Variants in KIAA2012 observed in about 807,000 individuals in gnomAD.
KIAA2012 encodes the protein uncharacterized protein KIAA2012.
A neutral mutation model predicts 150.6 loss-of-function variants in KIAA2012; 125 were observed. The observed-to-expected ratio is 0.83, with a 90% CI of 0.72 to 0.96. The LOEUF is 0.96. Among genes scored for constraint, KIAA2012 ranks in the 40% least tolerant of loss-of-function variants. KIAA2012 has a pLI of 0.00. For synonymous variants in KIAA2012, 462 were observed against 504.7 expected, an observed-to-expected ratio of 0.92 and a Z score of 1.13; for missense variants, 1,219 against 1,354.9, an observed-to-expected ratio of 0.90 and a Z score of 1.57.
At position 202,098,126 on chromosome 2, in the gene KIAA2012, A is replaced by T. The variant is rs1031004762; in HGVS notation, c.828+549A>T. Among the ~76,000 whole-genome samples, 3 of 152,288 alleles carry T rather than the reference A, an allele frequency of 2.0e-5. No individual in the cohort carries two copies. In the South Asian group the frequency reaches 6.2e-4, roughly 32 times the overall value. On this transcript the variant is annotated intron_variant, in intron 5 of 23. Transcript: ENST00000498697. ...TGTAATCCCAACACTTTGGGAGACC[A>T]AGGCAGGTGGATCACCTGAGGCCAG... is the stretch of plus-strand genomic sequence containing the variant.
At chr2:202,140,104 T>A (rs1691168482) in intron 13 of KIAA2012, among the ~76,000 whole-genome samples, 1 of 152,132 alleles carries the variant, frequency 6.6e-6, no homozygotes, top group Non-Finnish European at 1.5e-5. Context: ...GGCGCACATC[T>A]GTAATCCCAG....
intron 2 of KIAA2012, chr2:202,077,243 T>C (rs1338829492): frequency 1.4e-5 from 5 of 349,090 alleles, no homozygotes; most frequent in Non-Finnish European, 2.3e-5. Flanking sequence ...TAAATCAAAT[T>C]CCTTCTGTGT....
In KIAA2012 at chr2:202,100,464, T is replaced by C. The variant is rs764326508; in HGVS notation, c.1155+15T>C. The C allele has an allele frequency of 7.8e-6, 12 of 1,544,614 alleles. No individual in the cohort carries two copies. Among genetic ancestry groups the C allele is most frequent in the South Asian group, 4.8e-5 (4 of 83,620 alleles). On this transcript the variant is annotated intron_variant, in intron 7 of 23. Transcript: ENST00000498697. The stretch of plus-strand genomic sequence containing the variant: ...AGAAGAAAAAGGTTGTGTGTATATG[T>C]ATGTTTGTGCATACAGGAGAGAGAG...
Position 202,190,348 on chromosome 2 carries a change from T to G in KIAA2012, c.2666T>G (p.Phe889Cys). Residue 889 changes from phenylalanine to cysteine, a missense_variant, in exon 19 of 24, where the codon TTT (phenylalanine) becomes TGT (cysteine). Coordinates refer to ENST00000498697, the MANE Select transcript of KIAA2012 (RefSeq NM_001277372.4). ...AGAGGTTCCTTTGCCTCAGACTCCT[T>G]TGTAGAGGACCCTTGGCTTTCTCCC... ...SNRGSFASDS[F>C]VEDPWLSPKY... 1 of 1,550,570 alleles carries G rather than the reference T, an allele frequency of 6.4e-7. No homozygotes were observed. Among genetic ancestry groups the G allele is most frequent in the Non-Finnish European group, 8.7e-7 (1 of 1,147,004 alleles).
At position 202,082,476 on chromosome 2, in the gene KIAA2012, A is replaced by G. The variant is rs148529365; in HGVS notation, c.369+7301A>G. On this transcript the variant is annotated intron_variant, in intron 2 of 23. Transcript: ENST00000498697. ...TTCACTCGGTTGATAGTGTCCTTTG[A>G]TGCACAAAAGTAGGGAGGCTAAGGC... Among the ~76,000 whole-genome samples, 526 of 152,226 alleles carry G rather than the reference A, an allele frequency of 3.5e-3. 1 individual carries two copies. Among genetic ancestry groups the G allele is most frequent in the Non-Finnish European group, 6.0e-3 (405 of 68,020 alleles).
At chr2:202,168,506 T>C (rs531952605) in intron 15 of KIAA2012, among the ~76,000 whole-genome samples, 73 of 152,204 alleles carry the variant, frequency 4.8e-4, no homozygotes, top group Non-Finnish European at 9.3e-4. Context: ...TTTAAAAATC[T>C]TTAATAGGAG....
chr2:202,194,233 G>A lies in KIAA2012; in HGVS notation c.3058G>A (p.Glu1020Lys). ...CCAAGAAGAACAGCAGCGGCAGGAG[G>A]AGGAGGAGAGAAAGCAGCAGCTCCG... Reference protein sequence around the residue: ...RLQEEQQRQEEEERKQQLRLK... With the variant: ...RLQEEQQRQEKEERKQQLRLK... The change falls in exon 21 of 24, where the codon GAG becomes AAG. Residue 1020 changes from glutamate to lysine, a missense_variant. By Grantham distance (56) the Glu-to-Lys change is moderately conservative. Coordinates refer to ENST00000498697, the MANE Select transcript of KIAA2012 (RefSeq NM_001277372.4). The A allele has an allele frequency of 1.3e-6, 2 of 1,550,648 alleles. No homozygotes were observed. The highest frequency in any genetic ancestry group is 8.7e-7 in the Non-Finnish European group (1 of 1,147,012).
chr2:202,186,738 A>G (rs1382048260), intron 16 of KIAA2012, among the ~76,000 whole-genome samples, 195 bp from the exon 17 acceptor site: 2 of 152,232 alleles, frequency 1.3e-5, no homozygotes, highest in East Asian at 1.9e-4. Context: ...ATTCTGAGGA[A>G]ATCCCTAAAG....
chr2:202,198,143 C>T (rs926950454), intron 22 of KIAA2012, among the ~76,000 whole-genome samples: 107 of 136,146 alleles, frequency 7.9e-4, no homozygotes, highest in African/African-American at 2.9e-3. Flanking sequence ...CATTGCATTC[C>T]AGCCTGGGCG....
intron 22 of KIAA2012, chr2:202,201,665 C>T (rs1323620155): frequency 9.3e-6 from 15 of 1,610,606 alleles, no homozygotes; most frequent in Non-Finnish European, 1.2e-5. Flanking sequence ...CAGACTGGGC[C>T]ATGGGAAGAT....
chr2:202,138,711 T>C (rs1691136130), intron 13 of KIAA2012, among the ~76,000 whole-genome samples: 1 of 152,214 alleles, frequency 6.6e-6, no homozygotes, highest in South Asian at 2.1e-4. Flanking sequence ...GACTGTATTA[T>C]TTGGCTCTTT....
chr2:202,179,035 AAATT>A (rs1456091795), intron 15 of KIAA2012, among the ~76,000 whole-genome samples: 1 of 152,262 alleles, frequency 6.6e-6, no homozygotes, highest in African/African-American at 2.4e-5. Context: ...GAGAAGAAAT[AAATT>A]AATTCATGCA....
chr2:202,083,006 G>A (rs866175402), intron 2 of KIAA2012, among the ~76,000 whole-genome samples: 18 of 152,280 alleles, frequency 1.2e-4, no homozygotes, highest in South Asian at 4.1e-4. Context: ...TTGAGCTCTC[G>A]TAGGACCTGA....
At chr2:202,146,602 A>G (rs1015405591) in intron 13 of KIAA2012, among the ~76,000 whole-genome samples, 1 of 143,034 alleles carries the variant, frequency 7.0e-6, no homozygotes, top group East Asian at 2.2e-4. Flanking sequence ...ACTGCACTCC[A>G]GCCTGGGTGA....
intron 10 of KIAA2012, among the ~76,000 whole-genome samples, chr2:202,110,026 T>C (rs1690305460): frequency 6.6e-6 from 1 of 152,224 alleles, no homozygotes; most frequent in South Asian, 2.1e-4. Context: ...TTTTGGGCTT[T>C]CCTCACTCCT....
At chr2:202,118,303 A>C (rs1690575550) in intron 11 of KIAA2012, among the ~76,000 whole-genome samples, 1 of 152,154 alleles carries the variant, frequency 6.6e-6, no homozygotes, top group Non-Finnish European at 1.5e-5. Context: ...CAAATGTTTG[A>C]GTAAAGGAAA....
chr2:202,102,140 T>A (rs1221527753), intron 7 of KIAA2012, among the ~76,000 whole-genome samples: 1 of 152,012 alleles, frequency 6.6e-6, no homozygotes, highest in Admixed American at 6.6e-5. Flanking sequence ...CAGGAGGCTG[T>A]TACTACTACC....
chr2:202,170,236 C>T (rs913749248), intron 15 of KIAA2012, among the ~76,000 whole-genome samples: 7 of 152,172 alleles, frequency 4.6e-5, no homozygotes, highest in African/African-American at 1.2e-4. Flanking sequence ...TGCTTTGCCA[C>T]GGTTCTCTGG....
chr2:202,129,620 G>C (rs1341178660), intron 12 of KIAA2012, among the ~76,000 whole-genome samples: 2 of 152,070 alleles, frequency 1.3e-5, no homozygotes. Flanking sequence ...GTAGATGGTA[G>C]TCTTTGGGTA....
Sources: allele counts gnomAD v4.1 joint callset (sites outside exome capture counted in the v4.1 genomes callset), GRCh38; gene constraint gnomAD v4.1.1; transcripts MANE v1.5; gene names NCBI Gene and HGNC (gene_info 2026-07-23, HGNC 2026-07-21).